The following NRXN1 variants were observed in gnomAD, a reference collection of about 807,000 sequenced individuals.
The protein encoded by NRXN1 is neurexin 1, also known as neurexin-1.
Under a neutral mutation model 150.9 loss-of-function variants are expected in NRXN1, and 39 were observed. The observed-to-expected ratio is 0.26, with a 90% CI of 0.20 to 0.34. NRXN1 has a LOEUF of 0.34. Among genes scored for constraint, NRXN1 ranks in the 10% least tolerant of loss-of-function variants. The pLI, the probability that NRXN1 is intolerant of heterozygous loss-of-function variation, is 1.00. For missense variants in NRXN1, 1,815 were observed against 1,949.9 expected (o/e 0.93, Z 1.30); for synonymous variants, 924 against 757.0 (o/e 1.22, Z -3.62).
At chr2:50,507,644 A>G (rs916141922) in intron 12 of NRXN1, among the ~76,000 whole-genome samples, 1 of 151,544 alleles carries the variant, frequency 6.6e-6, no homozygotes, top group African/African-American at 2.4e-5. Context: ...CTCAAAAAAA[A>G]AAAAAAAAAA....
intron 21 of NRXN1, among the ~76,000 whole-genome samples, chr2:50,024,698 T>G (rs1276043529): frequency 6.6e-6 from 1 of 152,058 alleles, no homozygotes; most frequent in African/African-American, 2.4e-5. Context: ...CGCTGCAACC[T>G]TTGCCTCCAG....
At chr2:50,623,754 A>G (rs956912432) in intron 5 of NRXN1, 139 bp from the exon 6 acceptor site, 1 of 642,446 alleles carries the variant, frequency 1.6e-6, no homozygotes, top group African/African-American at 1.8e-5. Context: ...TGTCTCAGTC[A>G]AACAGTACTG....
chr2:50,122,743 C>G (rs1016320818), intron 18 of NRXN1, among the ~76,000 whole-genome samples: 6 of 152,160 alleles, frequency 3.9e-5, no homozygotes, highest in Non-Finnish European at 8.8e-5. Flanking sequence ...AAAATGGGAA[C>G]GAGTGTATTC....
At chr2:50,199,444 T>A (rs1010945162) in intron 18 of NRXN1, among the ~76,000 whole-genome samples, 1 of 152,070 alleles carries the variant, frequency 6.6e-6, no homozygotes, top group African/African-American at 2.4e-5. Flanking sequence ...GTAAAAGGAT[T>A]ATGGTTTACA....
At chr2:50,491,384 G>T (rs1254095467) in intron 15 of NRXN1, among the ~76,000 whole-genome samples, 1 of 152,188 alleles carries the variant, frequency 6.6e-6, no homozygotes, top group Non-Finnish European at 1.5e-5. Context: ...CTTAGAGGTT[G>T]AGTATATTTG....
chr2:50,879,867 G>A (rs1679171102), intron 5 of NRXN1, among the ~76,000 whole-genome samples: 1 of 151,918 alleles, frequency 6.6e-6, no homozygotes, highest in African/African-American at 2.4e-5. Flanking sequence ...TTAAAAGGAG[G>A]TGCTGAGGCA....
intron 18 of NRXN1, among the ~76,000 whole-genome samples, chr2:50,158,260 C>T (rs2059148736): frequency 6.6e-6 from 1 of 151,400 alleles, no homozygotes; most frequent in Non-Finnish European, 1.5e-5. Context: ...TCATCAGAGC[C>T]CACAGGATGC....
intron 15 of NRXN1, among the ~76,000 whole-genome samples, chr2:50,488,886 G>A (rs2091062344): frequency 6.6e-6 from 1 of 152,142 alleles, no homozygotes; most frequent in Non-Finnish European, 1.5e-5. Flanking sequence ...CACCACTCCT[G>A]GCATTCCCTA....
chr2:50,015,126 G>GA (rs1201287493), intron 21 of NRXN1, among the ~76,000 whole-genome samples: 7 of 151,988 alleles, frequency 4.6e-5, no homozygotes, highest in Non-Finnish European at 7.4e-5. Flanking sequence ...TGGACAAGGG[G>GA]AATAAAAGCC....
intron 2 of NRXN1, among the ~76,000 whole-genome samples, chr2:50,973,104 A>G (rs1695273399): frequency 6.6e-6 from 1 of 152,198 alleles, no homozygotes. Flanking sequence ...TCTCCTATTC[A>G]GAGATCCTTT....
At chr2:50,314,314 G>C (rs1472049298) in intron 17 of NRXN1, among the ~76,000 whole-genome samples, 2 of 151,980 alleles carry the variant, frequency 1.3e-5, no homozygotes, top group African/African-American at 4.8e-5. Context: ...GGGGAAAAAT[G>C]AAGAGAGTCC....
At chr2:50,249,338 G>A (rs1484781619) in intron 17 of NRXN1, among the ~76,000 whole-genome samples, 2 of 151,886 alleles carry the variant, frequency 1.3e-5, no homozygotes, top group Non-Finnish European at 2.9e-5. Flanking sequence ...TTAGAGAGGT[G>A]GCAGGGAAAA....
chr2:50,054,443 G>A (rs1693285240), intron 20 of NRXN1, among the ~76,000 whole-genome samples: 1 of 152,052 alleles, frequency 6.6e-6, no homozygotes, highest in Non-Finnish European at 1.5e-5. Context: ...TTTTAATATG[G>A]GCTTGTTCCC....
intron 21 of NRXN1, among the ~76,000 whole-genome samples, chr2:50,045,375 C>T (rs982273592): frequency 6.6e-6 from 1 of 152,146 alleles, no homozygotes; most frequent in Admixed American, 6.6e-5. Flanking sequence ...CAGAGTGTCA[C>T]TCTGTTGCCC....
At chr2:49,963,905 G>A (rs941866021) in intron 21 of NRXN1, among the ~76,000 whole-genome samples, 1 of 152,146 alleles carries the variant, frequency 6.6e-6, no homozygotes, top group Non-Finnish European at 1.5e-5. Context: ...TGCTGAATCG[G>A]TCATATGTCC....
intron 5 of NRXN1, among the ~76,000 whole-genome samples, chr2:50,863,606 T>G (rs1393416514): frequency 6.6e-6 from 1 of 152,000 alleles, no homozygotes; most frequent in African/African-American, 2.4e-5. Context: ...TTTGAGACTT[T>G]AATAAAAAAG....
At chr2:50,641,132 G>T (rs752668286) in intron 5 of NRXN1, among the ~76,000 whole-genome samples, 1 of 151,924 alleles carries the variant, frequency 6.6e-6, no homozygotes, top group Non-Finnish European at 1.5e-5. Flanking sequence ...TAATAGAAAA[G>T]GTACAAAAAA....
At chr2:50,219,942 ATT>A (rs1559115261) in intron 18 of NRXN1, among the ~76,000 whole-genome samples, 23 of 58,994 alleles carry the variant, frequency 3.9e-4, no homozygotes, top group African/African-American at 2.3e-3. Flanking sequence ...TATATTATAT[ATT>A]ATATATATAA....
In NRXN1 at chr2:50,258,760, G is replaced by C. The variant is rs189491254; in HGVS notation, c.3365-21790C>G. On this transcript the variant is annotated intron_variant, in intron 17 of 22. Transcript: ENST00000401669. Reference sequence around the variant, plus strand: ...TTATAAAATGTATTTCTTAAATAAGGCTTGAAAGTTGAAATTACTCCTTCC... The same window carrying C: ...TTATAAAATGTATTTCTTAAATAAGCCTTGAAAGTTGAAATTACTCCTTCC... Among the ~76,000 whole-genome samples, 522 of 152,044 alleles carry C rather than the reference G, an allele frequency of 3.4e-3. 2 individuals are homozygous for C. Among genetic ancestry groups the C allele is most frequent in the Non-Finnish European group, 4.9e-3 (336 of 67,922 alleles).
Sources: gnomAD v4.1 joint callset for allele counts (sites outside exome capture counted in the v4.1 genomes callset) on GRCh38, gnomAD v4.1.1 for gene constraint, MANE v1.5 for transcripts, NCBI Gene and HGNC (gene_info 2026-07-23, HGNC 2026-07-21) for gene names.